The following DCLK1 variants were observed in gnomAD, a reference collection of about 807,000 sequenced individuals.
DCLK1 encodes doublecortin like kinase 1.
Under a neutral mutation model 86.2 loss-of-function variants are expected in DCLK1, and 16 were observed. The observed-to-expected ratio is 0.19, with a 90% CI of 0.13 to 0.28. The LOEUF (loss-of-function observed/expected upper bound fraction) is 0.28. Among genes scored for constraint, DCLK1 ranks in the 10% least tolerant of loss-of-function variants. The pLI, the probability that DCLK1 is intolerant of heterozygous loss-of-function variation, is 1.00. For missense variants in DCLK1, 590 were observed against 940.2 expected (o/e 0.63, Z 4.87); for synonymous variants, 369 against 370.5 (o/e 1.00, Z 0.05).
intron 4 of DCLK1, among the ~76,000 whole-genome samples, chr13:35,907,166 T>C (rs966059462): frequency 6.6e-6 from 1 of 152,184 alleles, no homozygotes; most frequent in Non-Finnish European, 1.5e-5. Context: ...TTTATTCATT[T>C]TCCTTTATTT....
At chr13:35,813,200 TC>T (rs1315911822) in intron 11 of DCLK1, among the ~76,000 whole-genome samples, 1 of 152,212 alleles carries the variant, frequency 6.6e-6, no homozygotes, top group Non-Finnish European at 1.5e-5. Context: ...CAAAATAATC[TC>T]CTGCTTTGAT....
intron 3 of DCLK1, among the ~76,000 whole-genome samples, chr13:36,005,330 T>G (rs978514912): frequency 3.3e-5 from 5 of 152,136 alleles, no homozygotes; most frequent in African/African-American, 1.2e-4. Flanking sequence ...AAAATGTATA[T>G]GCAAAAAGAA....
intron 3 of DCLK1, among the ~76,000 whole-genome samples, chr13:36,095,181 T>TTG (rs1273926918): frequency 9.0e-5 from 12 of 132,964 alleles, no homozygotes; most frequent in Admixed American, 8.8e-4. Context: ...TTGTTTTTTT[T>TTG]TTTTGTTTTT....
intron 3 of DCLK1, among the ~76,000 whole-genome samples, chr13:35,994,172 T>C (rs1412668945): frequency 3.9e-5 from 6 of 152,018 alleles, no homozygotes; most frequent in Non-Finnish European, 2.9e-5. Context: ...TTGGAATCAG[T>C]CACACTTTAC....
chr13:35,891,265 A>T (rs1049037686), intron 4 of DCLK1, among the ~76,000 whole-genome samples: 99 of 151,924 alleles, frequency 6.5e-4, no homozygotes, highest in African/African-American at 1.9e-3. Flanking sequence ...TAATTTTTTT[A>T]AAAAAAACAG....
chr13:35,950,672 A>T (rs570120121), intron 3 of DCLK1, among the ~76,000 whole-genome samples: 1 of 152,330 alleles, frequency 6.6e-6, no homozygotes, highest in Non-Finnish European at 1.5e-5. Context: ...TGTTAGAAGC[A>T]TTCATCATGA....
At chr13:35,783,352 G>T (rs2086563373) in intron 16 of DCLK1, among the ~76,000 whole-genome samples, 1 of 151,980 alleles carries the variant, frequency 6.6e-6, no homozygotes. Flanking sequence ...GCTGGGGTGT[G>T]TGAAAGCACT....
At chr13:36,064,151 T>G (rs1883659612) in intron 3 of DCLK1, among the ~76,000 whole-genome samples, 1 of 152,208 alleles carries the variant, frequency 6.6e-6, no homozygotes, top group Non-Finnish European at 1.5e-5. Flanking sequence ...ACAAGATTTT[T>G]ATTAGAGGCA....
chr13:35,970,966 T>C (rs1490325665), intron 3 of DCLK1, among the ~76,000 whole-genome samples: 1 of 152,096 alleles, frequency 6.6e-6, no homozygotes, highest in African/African-American at 2.4e-5. Flanking sequence ...GCCAGGGCCA[T>C]GGAAGCAGCA....
chr13:35,889,365 CA>C (rs150412866), intron 4 of DCLK1, among the ~76,000 whole-genome samples: 6,126 of 152,028 alleles, frequency 0.04, 427 homozygotes, highest in African/African-American at 0.14. Flanking sequence ...TCAAAATGTG[CA>C]AAAATATTAA....
chr13:35,877,790 G>T (rs1018176432), intron 4 of DCLK1, among the ~76,000 whole-genome samples: 1 of 152,280 alleles, frequency 6.6e-6, no homozygotes. Flanking sequence ...AAGGTACAAA[G>T]CCTGTAAATG....
intron 15 of DCLK1, 61 bp from the exon 16 acceptor site, chr13:35,793,540 A>G: frequency 7.4e-7 from 1 of 1,350,266 alleles, no homozygotes; most frequent in South Asian, 1.3e-5. Flanking sequence ...TGAAAAATGA[A>G]GGCTAAATCT....
intron 3 of DCLK1, among the ~76,000 whole-genome samples, chr13:36,046,743 C>T (rs1469583609): frequency 1.3e-5 from 2 of 152,166 alleles, no homozygotes; most frequent in African/African-American, 4.8e-5. Context: ...AAATAACTAA[C>T]TTCAAGGAGA....
chr13:36,107,162 A>T (rs984852639), intron 3 of DCLK1, among the ~76,000 whole-genome samples: 4 of 152,152 alleles, frequency 2.6e-5, no homozygotes, highest in African/African-American at 9.7e-5. Flanking sequence ...ATGATGGATT[A>T]ATTTATCAAC....
chr13:35,801,847 G>A lies in DCLK1; in HGVS notation c.1944+3852C>T, dbSNP rs368241930. On this transcript the variant is annotated intron_variant, in intron 15 of 16. Transcript: ENST00000360631. ...TATAGGGCCATTTGGTCTGGAATCA[G>A]GGGAAGATTCATGTCGTTCCCAACA... 4.6e-5 allele frequency among the ~76,000 whole-genome samples: 7 copies of A among 152,144 alleles called. No individual in the cohort carries two copies. The South Asian group carries it at 8.3e-4, about 18-fold the overall frequency.
chr13:35,921,788 T>C (rs759419776), intron 4 of DCLK1, among the ~76,000 whole-genome samples: 24 of 152,016 alleles, frequency 1.6e-4, no homozygotes, highest in Non-Finnish European at 2.1e-4. Context: ...TGGCAAGATA[T>C]ATTATGGGGC....
At chr13:36,084,998 C>T (rs1884544274) in intron 3 of DCLK1, among the ~76,000 whole-genome samples, 1 of 152,094 alleles carries the variant, frequency 6.6e-6, no homozygotes, top group Non-Finnish European at 1.5e-5. Context: ...TCATTACCAC[C>T]ATGTGGCCAA....
intron 3 of DCLK1, among the ~76,000 whole-genome samples, chr13:35,983,767 A>T (rs1295650466): frequency 6.6e-6 from 1 of 152,230 alleles, no homozygotes; most frequent in Admixed American, 6.5e-5. Context: ...TTTTTAAAAA[A>T]GTTTTTTCTT....
At chr13:35,823,522 G>C (rs1007791055) in intron 10 of DCLK1, among the ~76,000 whole-genome samples, 1 of 152,228 alleles carries the variant, frequency 6.6e-6, no homozygotes, top group Admixed American at 6.5e-5. Context: ...AGGGAGGAAG[G>C]GGGGGAAATC....
Sources: gnomAD v4.1 joint callset for allele counts (sites outside exome capture counted in the v4.1 genomes callset) on GRCh38, gnomAD v4.1.1 for gene constraint, MANE v1.5 for transcripts, NCBI Gene and HGNC (gene_info 2026-07-23, HGNC 2026-07-21) for gene names.